The following LYPD1 variants were observed in gnomAD, a reference collection of about 807,000 sequenced individuals.
The protein encoded by LYPD1 is LY6/PLAUR domain containing 1.
In LYPD1, 14 loss-of-function variants were observed where a neutral mutation model predicts 14.2. The ratio of observed to expected loss-of-function variants is 0.99; its 90% CI spans 0.65 to 1.54. The LOEUF is 1.54. LYPD1 is among the 40% of genes most tolerant of loss of function. The probability of loss-of-function intolerance (pLI) is 0.00; values close to 1 mark genes in which losing one functional copy is unlikely to be tolerated. For missense variants in LYPD1, 165 were observed against 175.7 expected, an observed-to-expected ratio of 0.94 and a Z score of 0.34; for synonymous variants, 85 against 70.6, an observed-to-expected ratio of 1.20 and a Z score of -1.02.
chr2:132,664,687 G>A (rs1348631187), intron 2 of LYPD1, among the ~76,000 whole-genome samples: 1 of 152,110 alleles, frequency 6.6e-6, no homozygotes, highest in African/African-American at 2.4e-5. Context: ...TTTTACTAAG[G>A]GAAGAAATTG....
At chr2:132,670,222 G>A (rs1683605911), upstream of LYPD1, 4 of 891,680 alleles carry the variant, frequency 4.5e-6, no homozygotes, top group South Asian at 8.7e-5. This position sits in a 1 kb window ranked among gnomAD's most constrained non-coding sequence, Gnocchi z 4.5. Context: ...TGGCGATCGG[G>A]AGCACCCACA....
At chr2:132,661,939 C>CA (rs1478551644) in intron 2 of LYPD1, among the ~76,000 whole-genome samples, 21 of 86,140 alleles carry the variant, frequency 2.4e-4, no homozygotes, top group African/African-American at 1.2e-3. Flanking sequence ...GGCACCACAG[C>CA]GGAAAAAAAA....
intron 2 of LYPD1, among the ~76,000 whole-genome samples, chr2:132,653,368 AAAAT>A (rs1682429106): frequency 6.6e-6 from 1 of 152,240 alleles, no homozygotes; most frequent in African/African-American, 2.4e-5. Flanking sequence ...TTTGAGCAAC[AAAAT>A]AAATAATGAT....
chr2:132,647,060 G>A (rs994701888), intron 2 of LYPD1, among the ~76,000 whole-genome samples: 7 of 152,326 alleles, frequency 4.6e-5, no homozygotes, highest in South Asian at 2.1e-4. Context: ...TAATCATAAG[G>A]TGGAAGTTTA....
At chr2:132,656,585 A>C (rs1682609006) in intron 2 of LYPD1, among the ~76,000 whole-genome samples, 1 of 152,230 alleles carries the variant, frequency 6.6e-6, no homozygotes, top group Non-Finnish European at 1.5e-5. Flanking sequence ...ATTCTAATGA[A>C]AATGACTTGG....
rs1276112426 is a variant in LYPD1, at chr2:132,670,124, C to A, written c.-192G>T. The A allele has an allele frequency of 1.4e-6, 2 of 1,386,998 alleles. No homozygotes were observed. Among genetic ancestry groups the A allele is most frequent in the Admixed American group, 6.4e-5 (2 of 31,186 alleles). 85.9% of individuals were successfully genotyped at this position (1,386,998 alleles called of 1,614,324 possible). A position where few individuals can be genotyped will look rare whatever the true frequency, so the allele number is the denominator to read the frequency against. The stretch of plus-strand genomic sequence containing the variant: ...AGCCTGCATCGCCCGCGCTCGGGCT[C>A]CCGGCTGCGGGTCTCTGCTCCTCCC... On this transcript the variant is annotated 5_prime_UTR_variant, in exon 1 of 3. Coordinates refer to ENST00000397463, the MANE Select transcript of LYPD1 (RefSeq NM_144586.7). This position sits in a 1 kb window ranked among gnomAD's most constrained non-coding sequence, Gnocchi z 4.5.
Position 132,670,094 on chromosome 2 carries a change from C to A in LYPD1, c.-162G>T, listed in dbSNP as rs2104934187. ...GCTTAGAGGAGCCGCAGGTGCCGCT[C>A]GCGGAGCCTGCATCGCCCGCGCTCG... On this transcript the variant is annotated 5_prime_UTR_variant, in exon 1 of 3. Transcript: ENST00000397463. The surrounding 1 kb of genome is among the most constrained non-coding windows in gnomAD (Gnocchi z 4.5). The A allele has an allele frequency of 6.8e-7, 1 of 1,468,728 alleles. No homozygotes were observed. Among genetic ancestry groups the A allele is most frequent in the Non-Finnish European group, 8.9e-7 (1 of 1,118,138 alleles). 91.0% of individuals were successfully genotyped at this position (1,468,728 alleles called of 1,614,324 possible).
chr2:132,667,256 T>C (rs573673700), intron 2 of LYPD1, among the ~76,000 whole-genome samples: 2 of 152,258 alleles, frequency 1.3e-5, no homozygotes, highest in Admixed American at 6.5e-5. Flanking sequence ...GTGATTTTGG[T>C]GCAACAAATA....
Position 132,645,934 on chromosome 2 carries a change from G to A in LYPD1, c.*111C>T, listed in dbSNP as rs1682045507. The A allele has an allele frequency of 6.3e-6, 5 of 789,262 alleles. No homozygotes were observed. The highest frequency in any genetic ancestry group is 4.1e-5 in the South Asian group (2 of 48,546). 48.9% of individuals were successfully genotyped at this position (789,262 alleles called of 1,614,324 possible). ...GGAACAAAAGAGAACACGGACTCCCGCTCCCTACCCAGAATAAAAGGACAC... is the reference window on the plus strand; with the variant it reads ...GGAACAAAAGAGAACACGGACTCCCACTCCCTACCCAGAATAAAAGGACAC... On this transcript the variant is annotated 3_prime_UTR_variant, in exon 3 of 3. Coordinates refer to ENST00000397463, the MANE Select transcript of LYPD1 (RefSeq NM_144586.7).
At chr2:132,660,920 A>AGAG (rs113665405) in intron 2 of LYPD1, among the ~76,000 whole-genome samples, 5,998 of 152,242 alleles carry the variant, frequency 0.039, 419 homozygotes, top group African/African-American at 0.13. Flanking sequence ...CTTTAACCAA[A>AGAG]ACCTTTCTCC....
intron 2 of LYPD1, among the ~76,000 whole-genome samples, chr2:132,665,774 G>A (rs1296970674): frequency 1.3e-5 from 2 of 152,140 alleles, no homozygotes; most frequent in East Asian, 3.9e-4. Context: ...AAGACCCATG[G>A]CCAGATATAC....
At position 132,644,877 on chromosome 2, in the gene LYPD1, CTTTCTT is replaced by C. The variant is rs1681968839; in HGVS notation, c.*1162_*1167del. Reference sequence around the variant, plus strand: ...TACACTGTCTAAAGCATTTAATGGTCTTTCTTTAACACAGCCAACTCCCCCGGGTTT... The same window carrying C: ...TACACTGTCTAAAGCATTTAATGGTCTAACACAGCCAACTCCCCCGGGTTT... On this transcript the variant is annotated 3_prime_UTR_variant, in exon 3 of 3. Transcript: ENST00000397463. 3.5e-6 allele frequency: 2 copies of C among 569,486 alleles called. No individual in the cohort carries two copies. The highest frequency in any genetic ancestry group is 6.8e-5 in the Admixed American group (2 of 29,498). 35.3% of individuals were successfully genotyped at this position (569,486 alleles called of 1,614,324 possible).
At chr2:132,651,066 T>C (rs1255375806) in intron 2 of LYPD1, among the ~76,000 whole-genome samples, 1 of 152,150 alleles carries the variant, frequency 6.6e-6, no homozygotes, top group Non-Finnish European at 1.5e-5. Context: ...TAAAAATGTA[T>C]GGAAAAATAC....
chr2:132,645,315 G>C lies in LYPD1; in HGVS notation c.*730C>G. 6.2e-7 allele frequency: 1 copy of C among 1,614,220 alleles called. No individual in the cohort carries two copies. The highest frequency in any genetic ancestry group is 8.5e-7 in the Non-Finnish European group (1 of 1,180,036). ...AGCAGTTTCGGCGGGTGTTCGTGCA[G>C]GTGCTGTGCTGCCGCCTGTCGCTGC... On this transcript the variant is annotated 3_prime_UTR_variant, in exon 3 of 3. Transcript: ENST00000397463.
At position 132,645,029 on chromosome 2, in the gene LYPD1, T is replaced by G. The variant is rs912310246; in HGVS notation, c.*1016A>C. On this transcript the variant is annotated 3_prime_UTR_variant, in exon 3 of 3. Transcript: ENST00000397463. ...CAGAGGGGCTAAATATTTTATGGTT[T>G]TATTCATTTACTGTGTTCTCATGCT... The G allele has an allele frequency of 5.0e-5, 75 of 1,503,120 alleles. No homozygotes were observed. The East Asian group carries it at 8.2e-4, about 16-fold the overall frequency. 93.1% of individuals were successfully genotyped at this position (1,503,120 alleles called of 1,614,324 possible). A position where few individuals can be genotyped will look rare whatever the true frequency, so the allele number is the denominator to read the frequency against.
At chr2:132,657,679 G>T (rs1682678580) in intron 2 of LYPD1, among the ~76,000 whole-genome samples, 1 of 152,172 alleles carries the variant, frequency 6.6e-6, no homozygotes, top group Non-Finnish European at 1.5e-5. Context: ...CAATGAACTA[G>T]AATTCTAGAA....
At position 132,643,552 on chromosome 2, in the gene LYPD1, C is replaced by T. The variant is rs1681908690; in HGVS notation, c.*2493G>A. Among the ~76,000 whole-genome samples the T allele has an allele frequency of 6.6e-6, 1 of 152,216 alleles. No homozygotes were observed. On this transcript the variant is annotated 3_prime_UTR_variant, in exon 3 of 3. Transcript: ENST00000397463. ...GTTTATTGAGACAGTTTCACTCTGT[C>T]AGCCAGGCTGGAGTGCAGTGGCACA...
chr2:132,663,990 C>T (rs887960538), intron 2 of LYPD1, among the ~76,000 whole-genome samples: 8 of 152,006 alleles, frequency 5.3e-5, no homozygotes, highest in Non-Finnish European at 7.4e-5. Context: ...TGGGTATATG[C>T]AAATATATAT....
intron 2 of LYPD1, among the ~76,000 whole-genome samples, chr2:132,655,903 T>C (rs1398151725): frequency 6.6e-6 from 1 of 152,120 alleles, no homozygotes; most frequent in East Asian, 1.9e-4. Context: ...TTTTTTCTGC[T>C]AGAAGTATTG....
Sources: gnomAD v4.1 joint callset for allele counts (sites outside exome capture counted in the v4.1 genomes callset) on GRCh38, gnomAD v4.1.1 for gene constraint, Gnocchi (gnomAD v3.1) non-coding constraint, MANE v1.5 for transcripts, NCBI Gene and HGNC (gene_info 2026-07-23, HGNC 2026-07-21) for gene names.